USH2A: variants seen among roughly 807,000 people sequenced by gnomAD.
USH2A encodes the protein usherin.
Under a neutral mutation model 538.9 loss-of-function variants are expected in USH2A, and 443 were observed. The ratio of observed to expected loss-of-function variants is 0.82; its 90% CI spans 0.76 to 0.89. USH2A has a LOEUF of 0.89. Among genes scored for constraint, USH2A ranks in the 40% least tolerant of loss-of-function variants. The probability of loss-of-function intolerance (pLI) is 0.00; values close to 1 mark genes in which losing one functional copy is unlikely to be tolerated. For synonymous variants in USH2A, 2,413 were observed against 2,273.5 expected (o/e 1.06, Z -1.75); for missense variants, 6,633 against 6,324.8 (o/e 1.05, Z -1.65).
chr1:215,640,447 A>G, intron 68 of USH2A, 111 bp downstream of exon 68: 1 of 1,439,608 alleles, frequency 6.9e-7, no homozygotes, highest in Non-Finnish European at 9.7e-7. Flanking sequence ...GGGCACTTAA[A>G]CCAAGACATT....
chr1:215,873,994 G>A (rs910920670), intron 43 of USH2A, among the ~76,000 whole-genome samples: 2 of 151,984 alleles, frequency 1.3e-5, no homozygotes, highest in East Asian at 1.9e-4. Context: ...AATCCACAAC[G>A]AAAAGGAGAA....
chr1:215,799,917 C>T lies in USH2A; in HGVS notation c.9740-792G>A, dbSNP rs112796038. 3.1e-3 allele frequency among the ~76,000 whole-genome samples: 477 copies of T among 152,058 alleles called. 4 individuals carry two copies. Among genetic ancestry groups the T allele is most frequent in the African/African-American group, 0.01 (433 of 41,478 alleles). On this transcript the variant is annotated intron_variant, in intron 49 of 71. Coordinates refer to ENST00000307340, the MANE Select transcript of USH2A (RefSeq NM_206933.4). ...ACGAGAATTGCTTGAACCCGGGAGG[C>T]GGGAGGCAGAGTGCGCAGTGAGCCA... is the stretch of plus-strand genomic sequence containing the variant.
At chr1:216,164,271 G>C (rs781073708) in intron 21 of USH2A, among the ~76,000 whole-genome samples, 1 of 152,100 alleles carries the variant, frequency 6.6e-6, no homozygotes, top group Non-Finnish European at 1.5e-5. Context: ...AGGGAAAATA[G>C]AAGGAGAAAC....
Position 215,675,095 on chromosome 1 carries a change from G to C in USH2A, c.12816C>G (p.Ser4272=). The C allele has an allele frequency of 8.1e-6, 13 of 1,614,096 alleles. No homozygotes were observed. Among genetic ancestry groups the C allele is most frequent in the Non-Finnish European group, 9.3e-6 (11 of 1,180,006 alleles). The part of the protein sequence containing the change: ...PPEGLSPPVI[S]YVSMNPQKLL... ...GTTTTTGGGGATTCATAGAAACATAGGATATCACAGGTGGAGAGAGACCTT... is the reference window on the plus strand; with the variant it reads ...GTTTTTGGGGATTCATAGAAACATACGATATCACAGGTGGAGAGAGACCTT... The change falls in exon 63 of 72, where the codon TCC becomes TCG. Residue 4272 remains serine (S), a synonymous_variant. Transcript: ENST00000307340.
chr1:215,925,938 A>C (rs1571818859), intron 38 of USH2A, among the ~76,000 whole-genome samples: 1 of 152,270 alleles, frequency 6.6e-6, no homozygotes, highest in Middle Eastern at 3.4e-3. Flanking sequence ...CATTGTACTA[A>C]GTTGATTTTA....
intron 13 of USH2A, among the ~76,000 whole-genome samples, chr1:216,240,270 A>G (rs1030990916): frequency 5.3e-5 from 8 of 152,198 alleles, no homozygotes; most frequent in African/African-American, 1.9e-4. Context: ...CTTTTCCTTT[A>G]GAAGTTAAAC....
At chr1:216,409,449 G>A (rs1361771475) in intron 3 of USH2A, among the ~76,000 whole-genome samples, 1 of 151,952 alleles carries the variant, frequency 6.6e-6, no homozygotes, top group Non-Finnish European at 1.5e-5. Flanking sequence ...AATAACAAAG[G>A]TGGAGGCATT....
chr1:215,742,139 C>G (rs73088867), intron 59 of USH2A, among the ~76,000 whole-genome samples: 1 of 152,070 alleles, frequency 6.6e-6, no homozygotes, highest in Non-Finnish European at 1.5e-5. Flanking sequence ...AACAAAAATG[C>G]CATGGTCTAT....
chr1:215,731,419 T>G (rs1659991861), intron 60 of USH2A, among the ~76,000 whole-genome samples: 1 of 152,226 alleles, frequency 6.6e-6, no homozygotes, highest in African/African-American at 2.4e-5. Context: ...TTATTTAAGA[T>G]TTAAGCATCA....
intron 32 of USH2A, among the ~76,000 whole-genome samples, chr1:216,033,050 A>G (rs1300287994): frequency 6.6e-6 from 1 of 152,092 alleles, no homozygotes; most frequent in African/African-American, 2.4e-5. Context: ...GCCCATAACA[A>G]TCTGCCATGA....
intron 32 of USH2A, among the ~76,000 whole-genome samples, chr1:216,018,735 A>C (rs1330961000): frequency 6.6e-6 from 1 of 152,172 alleles, no homozygotes; most frequent in Admixed American, 6.5e-5. Context: ...CTTCTAATCA[A>C]TATGGAAAAA....
At chr1:215,665,491 T>A (rs1013821621) in intron 64 of USH2A, among the ~76,000 whole-genome samples, 2 of 152,116 alleles carry the variant, frequency 1.3e-5, no homozygotes, top group African/African-American at 2.4e-5. Flanking sequence ...GCGGGCCCTA[T>A]CAAATCCGTG....
At chr1:216,277,352 C>T (rs2036690050) in intron 11 of USH2A, among the ~76,000 whole-genome samples, 1 of 152,068 alleles carries the variant, frequency 6.6e-6, no homozygotes, top group Non-Finnish European at 1.5e-5. Context: ...GTTTCTCCTC[C>T]TATGTCCAAT....
At chr1:216,163,339 A>T (rs1295178524) in intron 21 of USH2A, among the ~76,000 whole-genome samples, 1 of 152,080 alleles carries the variant, frequency 6.6e-6, no homozygotes, top group East Asian at 1.9e-4. Flanking sequence ...TGATAATATT[A>T]ATTATAGTTA....
At chr1:215,785,814 G>C (rs1027759113) in intron 52 of USH2A, among the ~76,000 whole-genome samples, 2 of 151,988 alleles carry the variant, frequency 1.3e-5, no homozygotes, top group Admixed American at 1.3e-4. Context: ...CCCCTTGGTT[G>C]AGTAAAGCAG....
chr1:215,888,911 CAGG>C lies in USH2A; in HGVS notation c.7735_7737del (p.Pro2579del). 6.2e-7 allele frequency: 1 copy of C among 1,614,046 alleles called. No homozygotes were observed. The highest frequency in any genetic ancestry group is 8.5e-7 in the Non-Finnish European group (1 of 1,179,990). On this transcript the variant is annotated inframe_deletion, in exon 41 of 72. Coordinates refer to ENST00000307340, the MANE Select transcript of USH2A (RefSeq NM_206933.4). ...ATCACTGTGCAATTAGTGACATTTC[CAGG>C]AGTTCTCAAGTATAGACGGCCATGT...
chr1:215,888,307 A>G, intron 41 of USH2A, 119 bp downstream of exon 41: 2 of 1,495,812 alleles, frequency 1.3e-6, no homozygotes, highest in Non-Finnish European at 1.8e-6. Context: ...CAGTTTCTCC[A>G]GTGAATGCCT....
rs2102624582 is a variant in USH2A at position 215,628,299 on chromosome 1, T to A, written c.15519+515A>T. On this transcript the variant is annotated intron_variant, in intron 71 of 71. Coordinates refer to ENST00000307340, the MANE Select transcript of USH2A (RefSeq NM_206933.4). The stretch of plus-strand genomic sequence containing the variant: ...CCTGTTTGCTGCTTATTTATTTATT[T>A]ATTTTGAGATGGAGTCTCTGTCACC... Among the ~76,000 whole-genome samples the A allele has an allele frequency of 2.0e-5, 3 of 152,258 alleles. No homozygotes were observed. In the East Asian group the frequency reaches 5.8e-4, roughly 29 times the overall value.
chr1:216,033,675 A>C (rs1004493076), intron 32 of USH2A, among the ~76,000 whole-genome samples: 1 of 151,974 alleles, frequency 6.6e-6, no homozygotes. Context: ...ACATGGTGAA[A>C]CCTCATCTCT....
Sources: allele counts gnomAD v4.1 joint callset (sites outside exome capture counted in the v4.1 genomes callset), GRCh38; gene constraint gnomAD v4.1.1; transcripts MANE v1.5; gene names NCBI Gene and HGNC (gene_info 2026-07-23, HGNC 2026-07-21).